Variants in COL4A2 observed in about 807,000 individuals in gnomAD.
COL4A2 encodes collagen type IV alpha 2 chain, also known as collagen alpha-2(IV) chain.
A neutral mutation model predicts 200.2 loss-of-function variants in COL4A2; 99 were observed. That is an observed-to-expected ratio of 0.49 (90% CI 0.42 to 0.58). The LOEUF (loss-of-function observed/expected upper bound fraction) is 0.58. Ranked by LOEUF, COL4A2 falls within the 20% of genes least tolerant of loss-of-function variation. The pLI, the probability that COL4A2 is intolerant of heterozygous loss-of-function variation, is 0.00. For missense variants in COL4A2, 1,950 were observed against 2,314.1 expected (o/e 0.84, Z 3.23); for synonymous variants, 897 against 900.6 (o/e 1.00, Z 0.07).
chr13:110,396,665 G>A (rs553451814), intron 4 of COL4A2, among the ~76,000 whole-genome samples: 35 of 152,240 alleles, frequency 2.3e-4, no homozygotes, highest in Admixed American at 1.7e-3. Context: ...TGACCACCCC[G>A]TCATTAAACC....
intron 45 of COL4A2, among the ~76,000 whole-genome samples, chr13:110,505,147 G>T (rs183541358): frequency 6.6e-6 from 1 of 151,248 alleles, no homozygotes; most frequent in African/African-American, 2.4e-5. Flanking sequence ...GCAGGAGATC[G>T]AGACCATCCT....
chr13:110,464,012 CTT>C (rs1406940590), intron 24 of COL4A2, among the ~76,000 whole-genome samples: 2 of 152,108 alleles, frequency 1.3e-5, no homozygotes, highest in African/African-American at 4.8e-5. Flanking sequence ...TTGGAACAGT[CTT>C]TGGCCTGTTC....
intron 3 of COL4A2, among the ~76,000 whole-genome samples, chr13:110,334,802 C>T (rs571245455): frequency 6.6e-6 from 1 of 152,250 alleles, no homozygotes; most frequent in East Asian, 1.9e-4. Context: ...AGTAAAGATG[C>T]AAAATTGTAT....
intron 4 of COL4A2, among the ~76,000 whole-genome samples, chr13:110,376,584 A>G (rs1281241779): frequency 6.6e-6 from 1 of 152,140 alleles, no homozygotes; most frequent in African/African-American, 2.4e-5. Flanking sequence ...TTTACATTAC[A>G]TATTTGTTTC....
chr13:110,474,597 C>T (rs1338188258), intron 29 of COL4A2, among the ~76,000 whole-genome samples: 2 of 152,226 alleles, frequency 1.3e-5, no homozygotes, highest in Non-Finnish European at 2.9e-5. Context: ...CATGCACATG[C>T]ATGCTCACAC....
Position 110,493,380 on chromosome 13 carries a change from C to T in COL4A2, c.3634+98C>T. On this transcript the variant is annotated intron_variant, in intron 39 of 47. Coordinates refer to ENST00000360467, the MANE Select transcript of COL4A2 (RefSeq NM_001846.4). ...CTCCAGACTTCAGGGAATGGAGGGTCTCAGAGAGCAGGGTGGGCTTCCTGA... is the reference window on the plus strand; with the variant it reads ...CTCCAGACTTCAGGGAATGGAGGGTTTCAGAGAGCAGGGTGGGCTTCCTGA... 11 of 1,319,162 alleles carry T rather than the reference C, an allele frequency of 8.3e-6. No homozygotes were observed. The South Asian group carries it at 1.2e-4, about 15-fold the overall frequency. The allele number at this position is 1,319,162 out of a possible 1,614,324, so 81.7% of individuals were successfully genotyped here.
At chr13:110,483,644 A>C (rs934002769) in intron 32 of COL4A2, among the ~76,000 whole-genome samples, 2 of 148,602 alleles carry the variant, frequency 1.3e-5, no homozygotes, top group Non-Finnish European at 2.9e-5. Flanking sequence ...CATGTATATG[A>C]GATGTCCCCA....
chr13:110,317,359 T>C (rs1391802034), intron 3 of COL4A2, among the ~76,000 whole-genome samples: 1 of 118,066 alleles, frequency 8.5e-6, no homozygotes, highest in Non-Finnish European at 2.2e-5. Flanking sequence ...CAGAAACACA[T>C]GTACACACAC....
At chr13:110,378,074 GAA>G (rs1251497438) in intron 4 of COL4A2, among the ~76,000 whole-genome samples, 2 of 152,196 alleles carry the variant, frequency 1.3e-5, no homozygotes, top group Admixed American at 6.5e-5. Context: ...TTGGCAAAAG[GAA>G]TAGCCCAGGC....
chr13:110,364,491 CTCTT>C (rs1877657990), intron 4 of COL4A2, among the ~76,000 whole-genome samples: 1 of 152,190 alleles, frequency 6.6e-6, no homozygotes, highest in African/African-American at 2.4e-5. Flanking sequence ...AATTGCTTCT[CTCTT>C]TGTCAGCTGC....
intron 3 of COL4A2, among the ~76,000 whole-genome samples, chr13:110,318,364 A>G (rs181464347): frequency 6.6e-6 from 1 of 152,308 alleles, no homozygotes; most frequent in Non-Finnish European, 1.5e-5. Context: ...TTTACTTTAA[A>G]TATGTCATCT....
intron 3 of COL4A2, among the ~76,000 whole-genome samples, chr13:110,310,010 A>G (rs1420760955): frequency 6.7e-6 from 1 of 148,344 alleles, no homozygotes; most frequent in East Asian, 1.9e-4. Context: ...CAAACAAACA[A>G]AAAAAACCTA....
At chr13:110,465,933 G>A (rs555515191) in intron 25 of COL4A2, 70 bp from the exon 26 acceptor site, 39 of 1,560,202 alleles carry the variant, frequency 2.5e-5, no homozygotes, top group South Asian at 2.0e-4. Context: ...ACACGTGCAC[G>A]CCCCAGACGA....
intron 34 of COL4A2, among the ~76,000 whole-genome samples, chr13:110,488,409 T>G (rs891176850): frequency 6.6e-6 from 1 of 152,142 alleles, no homozygotes; most frequent in Non-Finnish European, 1.5e-5. Flanking sequence ...GGCACCCAGG[T>G]AGACCAGAAC....
chr13:110,357,235 G>A (rs919387504), intron 3 of COL4A2, among the ~76,000 whole-genome samples: 6 of 152,070 alleles, frequency 3.9e-5, no homozygotes, highest in African/African-American at 1.2e-4. Context: ...GATGGTGGGG[G>A]ATTTCAGGGG....
At position 110,386,615 on chromosome 13, in the gene COL4A2, A is replaced by G. The variant is rs145936460; in HGVS notation, c.180+29063A>G. Among the ~76,000 whole-genome samples the G allele has an allele frequency of 6.3e-3, 957 of 152,324 alleles. 12 individuals carry two copies. Among genetic ancestry groups the G allele is most frequent in the African/African-American group, 0.022 (912 of 41,550 alleles). On this transcript the variant is annotated intron_variant, in intron 4 of 47. Transcript: ENST00000360467. The stretch of plus-strand genomic sequence containing the variant: ...GTGCTATTGCTATTATAATTGTGTA[A>G]TAGTATGTAATACATTGATATGTAA...
intron 17 of COL4A2, among the ~76,000 whole-genome samples, chr13:110,446,412 G>A (rs150947265): frequency 3.7e-4 from 57 of 152,292 alleles, no homozygotes; most frequent in African/African-American, 1.2e-3. Context: ...GCTGCCTTAC[G>A]ACACAGATGG....
At chr13:110,348,059 G>A (rs979271973) in intron 3 of COL4A2, among the ~76,000 whole-genome samples, 5 of 152,190 alleles carry the variant, frequency 3.3e-5, no homozygotes, top group Admixed American at 6.5e-5. Context: ...AGCCCAACTC[G>A]TTGAACTACT....
intron 30 of COL4A2, among the ~76,000 whole-genome samples, chr13:110,479,761 T>C (rs567861203): frequency 1.3e-5 from 2 of 152,106 alleles, no homozygotes; most frequent in East Asian, 1.9e-4. Context: ...GTAGCAGTGA[T>C]GAGATGGGAG....
Sources: allele counts gnomAD v4.1 joint callset (sites outside exome capture counted in the v4.1 genomes callset), GRCh38; gene constraint gnomAD v4.1.1; transcripts MANE v1.5; gene names NCBI Gene and HGNC (gene_info 2026-07-23, HGNC 2026-07-21).